The following VPS54 variants were observed in gnomAD, a reference collection of about 807,000 sequenced individuals.
VPS54 encodes VPS54 subunit of GARP complex.
VPS54 carries 45 observed loss-of-function variants against 121.5 expected under a neutral mutation model. The observed-to-expected ratio is 0.37, with a 90% confidence interval of 0.29 to 0.47. VPS54 has a LOEUF of 0.47. VPS54 is among the 20% of genes least tolerant of loss of function. VPS54 has a pLI of 0.99. For synonymous variants in VPS54, 371 were observed against 385.8 expected (o/e 0.96, Z 0.45); for missense variants, 1,090 against 1,131.4 (o/e 0.96, Z 0.52).
chr2:63,898,625 A>AG (rs1558975899), intron 21 of VPS54, among the ~76,000 whole-genome samples: 1 of 152,174 alleles, frequency 6.6e-6, no homozygotes, highest in South Asian at 2.1e-4. Context: ...CACGCACTCA[A>AG]CCAAGTAAGA....
chr2:63,991,222 G>C (rs540637287), intron 1 of VPS54, among the ~76,000 whole-genome samples: 78 of 152,252 alleles, frequency 5.1e-4, no homozygotes, highest in African/African-American at 1.8e-3. Flanking sequence ...GGTTAAACAA[G>C]GTCATGATGA....
At chr2:63,970,613 T>C (rs372273373) in intron 4 of VPS54, among the ~76,000 whole-genome samples, 3 of 152,192 alleles carry the variant, frequency 2.0e-5, no homozygotes, top group African/African-American at 2.4e-5. Context: ...AGTGTACAAA[T>C]TGATCTATCC....
chr2:63,994,253 C>A (rs921504887), intron 1 of VPS54, among the ~76,000 whole-genome samples: 3 of 152,188 alleles, frequency 2.0e-5, no homozygotes, highest in Non-Finnish European at 2.9e-5. Flanking sequence ...TAACATCCCT[C>A]TGTTCTTCTC....
intron 9 of VPS54, among the ~76,000 whole-genome samples, chr2:63,946,351 G>T (rs992690869): frequency 6.6e-6 from 1 of 152,038 alleles, no homozygotes; most frequent in Admixed American, 6.6e-5. Flanking sequence ...ACATTCTTCT[G>T]CTGTGTTTTG....
At chr2:63,957,423 C>T (rs182062152) in intron 7 of VPS54, among the ~76,000 whole-genome samples, 1,862 of 120,328 alleles carry the variant, frequency 0.015, 57 homozygotes, top group African/African-American at 0.056. Flanking sequence ...GCCTGGGCAA[C>T]AGAGCAAGAC....
intron 12 of VPS54, among the ~76,000 whole-genome samples, chr2:63,923,986 G>C (rs1673773090): frequency 6.6e-6 from 1 of 152,184 alleles, no homozygotes; most frequent in African/African-American, 2.4e-5. Flanking sequence ...CTTTGGGTTG[G>C]GTAGTTCCCA....
intron 18 of VPS54, 81 bp downstream of exon 18, chr2:63,913,142 A>G: frequency 8.7e-7 from 1 of 1,152,996 alleles, no homozygotes; most frequent in Non-Finnish European, 1.2e-6. Flanking sequence ...CCATGAAAAC[A>G]TGAGGTATAA....
chr2:63,933,215 T>C (rs143729484), intron 12 of VPS54, among the ~76,000 whole-genome samples: 11 of 152,334 alleles, frequency 7.2e-5, no homozygotes, highest in African/African-American at 1.4e-4. Context: ...TAAGAGAAGA[T>C]GTGATCCATT....
At chr2:63,987,072 T>C (rs1465760787) in intron 1 of VPS54, among the ~76,000 whole-genome samples, 1 of 152,218 alleles carries the variant, frequency 6.6e-6, no homozygotes, top group Non-Finnish European at 1.5e-5. Context: ...TGTAACTTGA[T>C]GTGATTCCAT....
At chr2:63,958,117 G>A (rs4610042) in intron 7 of VPS54, among the ~76,000 whole-genome samples, 14,831 of 152,162 alleles carry the variant, frequency 0.097, 1,201 homozygotes, top group African/African-American at 0.23. Flanking sequence ...ATATTAAGAT[G>A]TGTACAACAT....
chr2:63,992,229 G>A lies in VPS54; in HGVS notation c.-20-8210C>T, dbSNP rs113541658. On this transcript the variant is annotated intron_variant, in intron 1 of 22. Coordinates refer to ENST00000272322, the MANE Select transcript of VPS54 (RefSeq NM_016516.3). Reference sequence around the variant, plus strand: ...TGGCCCTGGAAGGGGCTCCAGCAGCGAAAAGGCCGCTTATTGGATTAATGT... The same window carrying A: ...TGGCCCTGGAAGGGGCTCCAGCAGCAAAAAGGCCGCTTATTGGATTAATGT... Among the ~76,000 whole-genome samples the A allele has an allele frequency of 5.6e-4, 86 of 152,336 alleles. 1 individual carries two copies. Among genetic ancestry groups the A allele is most frequent in the Middle Eastern group, 6.8e-3 (2 of 294 alleles).
intron 18 of VPS54, 23 bp from the exon 19 acceptor site, chr2:63,912,684 T>A: frequency 6.5e-7 from 1 of 1,543,916 alleles, no homozygotes; most frequent in East Asian, 2.4e-5. Flanking sequence ...GGAGTAGATA[T>A]ATAATGGAGA....
intron 20 of VPS54, among the ~76,000 whole-genome samples, chr2:63,907,175 A>G (rs1023003970): frequency 2.6e-5 from 4 of 152,168 alleles, no homozygotes; most frequent in Non-Finnish European, 5.9e-5. Context: ...ACCTAAAACA[A>G]TAACATTCTA....
intron 17 of VPS54, 79 bp from the exon 18 acceptor site, chr2:63,913,389 A>C: frequency 2.0e-6 from 2 of 1,004,010 alleles, no homozygotes; most frequent in Non-Finnish European, 2.9e-6. Flanking sequence ...TATTATAAAA[A>C]TACATTCCCC....
intron 1 of VPS54, among the ~76,000 whole-genome samples, chr2:63,993,164 G>A (rs1193308431): frequency 4.6e-5 from 7 of 152,262 alleles, no homozygotes; most frequent in Admixed American, 1.3e-4. Context: ...AATCATGGTC[G>A]ATAAACATAT....
intron 1 of VPS54, among the ~76,000 whole-genome samples, chr2:63,988,372 T>A (rs1159747938): frequency 1.3e-5 from 2 of 152,236 alleles, no homozygotes; most frequent in Non-Finnish European, 2.9e-5. Flanking sequence ...ATGAATAATA[T>A]TTTTAATTGT....
intron 2 of VPS54, among the ~76,000 whole-genome samples, chr2:63,983,600 AC>A (rs1309832251): frequency 6.7e-6 from 1 of 150,210 alleles, no homozygotes; most frequent in Non-Finnish European, 1.5e-5. Flanking sequence ...CTGCCACCAC[AC>A]CCGGCTAATT....
intron 20 of VPS54, among the ~76,000 whole-genome samples, chr2:63,904,177 C>T (rs139728438): frequency 0.018 from 2,711 of 152,184 alleles, 37 homozygotes; most frequent in Non-Finnish European, 0.022. Context: ...TGGTGGCTCA[C>T]GCCTGTAATC....
chr2:63,984,747 TTAAAG>T (rs1183773209), intron 1 of VPS54, among the ~76,000 whole-genome samples: 19 of 152,326 alleles, frequency 1.2e-4, no homozygotes, highest in African/African-American at 3.8e-4. Context: ...TGTCTACATT[TTAAAG>T]TAAATACTGA....
Sources: gnomAD v4.1 joint callset for allele counts (sites outside exome capture counted in the v4.1 genomes callset) on GRCh38, gnomAD v4.1.1 for gene constraint, MANE v1.5 for transcripts, NCBI Gene and HGNC (gene_info 2026-07-23, HGNC 2026-07-21) for gene names.